FABP7: variants seen among roughly 807,000 people sequenced by gnomAD.
FABP7 encodes fatty acid-binding protein, brain.
Under a neutral mutation model 14.2 loss-of-function variants are expected in FABP7, and 13 were observed. The observed-to-expected ratio is 0.91, with a 90% CI of 0.59 to 1.45. The LOEUF is 1.45. Ranked by LOEUF, FABP7 falls within the 40% of genes most tolerant of loss-of-function variation. FABP7 has a pLI of 0.00. For synonymous variants in FABP7, 49 were observed against 51.4 expected, an observed-to-expected ratio of 0.95 and a Z score of 0.20; for missense variants, 149 against 157.6, an observed-to-expected ratio of 0.95 and a Z score of 0.29.
the FABP7 span, among the ~76,000 whole-genome samples, chr6:122,771,703 C>T: frequency 6.6e-6 from 1 of 152,176 alleles, no homozygotes; most frequent in African/African-American, 2.4e-5. Flanking sequence ...AACAGTGAGC[C>T]TTAATTTCCT....
the FABP7 span, among the ~76,000 whole-genome samples, chr6:122,757,135 T>G: frequency 6.6e-6 from 1 of 152,200 alleles, no homozygotes; most frequent in Non-Finnish European, 1.5e-5. Context: ...AACTCCAGAC[T>G]GCTATATTCA....
In FABP7 at chr6:122,784,068, C is replaced by T. The variant is rs190065117; in HGVS notation, c.*301C>T. 2.9e-4 allele frequency: 72 copies of T among 247,370 alleles called. 1 individual carries two copies. Among genetic ancestry groups the T allele is most frequent in the African/African-American group, 1.6e-3 (65 of 40,086 alleles). 15.3% of individuals were successfully genotyped at this position (247,370 alleles called of 1,614,324 possible). ...ATCAAATTTGAATAAAAATCTTACA[C>T]GTGAAATTTTGTTGTTGTTTCTAAT... On this transcript the variant is annotated 3_prime_UTR_variant, in exon 4 of 4. Coordinates refer to ENST00000368444, the MANE Select transcript of FABP7 (RefSeq NM_001446.5).
chr6:122,755,748 C>T, the FABP7 span, among the ~76,000 whole-genome samples: 1 of 152,014 alleles, frequency 6.6e-6, no homozygotes, highest in South Asian at 2.1e-4. Context: ...TGAGCCACCG[C>T]GCGTGGCCTC....
At chr6:122,764,320 T>C in the FABP7 span, among the ~76,000 whole-genome samples, 1 of 151,644 alleles carries the variant, frequency 6.6e-6, no homozygotes, top group Non-Finnish European at 1.5e-5. Context: ...TTCTCACTTA[T>C]AGGTGGGAAT....
chr6:122,765,795 T>C, the FABP7 span, among the ~76,000 whole-genome samples: 1 of 152,084 alleles, frequency 6.6e-6, no homozygotes, highest in Non-Finnish European at 1.5e-5. Context: ...TGCTCCTGTG[T>C]CATAGAAGCC....
chr6:122,761,818 A>G, the FABP7 span, among the ~76,000 whole-genome samples: 1 of 152,202 alleles, frequency 6.6e-6, no homozygotes, highest in Admixed American at 6.6e-5. Flanking sequence ...ATCCTTTCTG[A>G]AAAAGAAATC....
At chr6:122,770,628 A>G in the FABP7 span, among the ~76,000 whole-genome samples, 2 of 152,320 alleles carry the variant, frequency 1.3e-5, no homozygotes, top group African/African-American at 4.8e-5. Flanking sequence ...TTTTCAATAC[A>G]AAGTTCAGCC....
chr6:122,762,163 CCAG>C, the FABP7 span, among the ~76,000 whole-genome samples: 1 of 152,160 alleles, frequency 6.6e-6, no homozygotes, highest in Non-Finnish European at 1.5e-5. Context: ...CAAACTGAAT[CCAG>C]CAGCACATCA....
chr6:122,772,747 A>T, the FABP7 span, among the ~76,000 whole-genome samples: 1 of 152,170 alleles, frequency 6.6e-6, no homozygotes, highest in Non-Finnish European at 1.5e-5. Context: ...ATGCAATAAG[A>T]TAAAAGTTAC....
upstream of FABP7, among the ~76,000 whole-genome samples, chr6:122,776,174 T>C (rs1780669858): frequency 1.3e-5 from 2 of 152,194 alleles, no homozygotes; most frequent in Admixed American, 1.3e-4. Flanking sequence ...CATTGCAGTG[T>C]ATATATCCAA....
At chr6:122,750,832 G>A in the FABP7 span, among the ~76,000 whole-genome samples, 2 of 152,208 alleles carry the variant, frequency 1.3e-5, no homozygotes, top group Non-Finnish European at 2.9e-5. Flanking sequence ...GCTGATGAGT[G>A]GAAGAATAAG....
At chr6:122,752,911 G>A in the FABP7 span, among the ~76,000 whole-genome samples, 1 of 152,122 alleles carries the variant, frequency 6.6e-6, no homozygotes, top group Non-Finnish European at 1.5e-5. Flanking sequence ...GTCTCTCTCT[G>A]GTTTGTTGAG....
chr6:122,760,537 GT>G, the FABP7 span, among the ~76,000 whole-genome samples: 241 of 146,022 alleles, frequency 1.7e-3, 2 homozygotes, highest in African/African-American at 5.6e-3. Flanking sequence ...TCTGCTCTTT[GT>G]TTTTTTTTTC....
the FABP7 span, among the ~76,000 whole-genome samples, chr6:122,760,776 A>G: frequency 6.6e-6 from 1 of 152,144 alleles, no homozygotes. Context: ...TGATATTTAA[A>G]TCAAACAATT....
At chr6:122,781,021 T>G in intron 2 of FABP7, 72 bp from the exon 3 acceptor site, 1 of 1,503,364 alleles carries the variant, frequency 6.7e-7, no homozygotes, top group Non-Finnish European at 8.9e-7. Context: ...CTTTCAAAAA[T>G]CACATCGTCT....
chr6:122,761,363 C>G, the FABP7 span, among the ~76,000 whole-genome samples: 3 of 152,134 alleles, frequency 2.0e-5, no homozygotes, highest in African/African-American at 7.2e-5. Context: ...GATTTTCAGA[C>G]CATTACTTAT....
At position 122,780,083 on chromosome 6, in the gene FABP7, G is replaced by C. The variant is rs139985888; in HGVS notation, c.74-208G>C. ...ATAAAAACAGAACATTTGCTATTCC[G>C]TGGAGAATATGAAGCTTCTCTGACT... On this transcript the variant is annotated intron_variant, in intron 1 of 3. Coordinates refer to ENST00000368444, the MANE Select transcript of FABP7 (RefSeq NM_001446.5). Among the ~76,000 whole-genome samples the C allele has an allele frequency of 5.1e-3, 774 of 152,276 alleles. 6 individuals are homozygous for C. The highest frequency in any genetic ancestry group is 0.014 in the Middle Eastern group (4 of 294).
chr6:122,781,740 C>CCT (rs1207410795), intron 3 of FABP7: 190 of 740,998 alleles, frequency 2.6e-4, no homozygotes, highest in Middle Eastern at 7.2e-4. Context: ...AGTGATAACC[C>CCT]TTTTTTTTTT....
At chr6:122,756,458 C>T in the FABP7 span, among the ~76,000 whole-genome samples, 6 of 152,144 alleles carry the variant, frequency 3.9e-5, no homozygotes, top group Non-Finnish European at 5.9e-5. Context: ...CCTGTCGGCA[C>T]CACCATGCTC....
Sources: gnomAD v4.1 joint callset for allele counts (sites outside exome capture counted in the v4.1 genomes callset) on GRCh38, gnomAD v4.1.1 for gene constraint, MANE v1.5 for transcripts, NCBI Gene and HGNC (gene_info 2026-07-23, HGNC 2026-07-21) for gene names.